Variants in CEACAM4 observed in about 807,000 individuals in gnomAD.
The protein encoded by CEACAM4 is CEA cell adhesion molecule 4, also known as cell adhesion molecule CEACAM4.
CEACAM4 carries 30 observed loss-of-function variants against 28.7 expected under a neutral mutation model. The observed-to-expected ratio is 1.05, with a 90% CI of 0.78 to 1.42. The LOEUF (loss-of-function observed/expected upper bound fraction) is 1.42. CEACAM4 is among the 40% of genes most tolerant of loss of function. The pLI, the probability that CEACAM4 is intolerant of heterozygous loss-of-function variation, is 0.00. For missense variants in CEACAM4, 330 were observed against 308.2 expected (o/e 1.07, Z -0.53); for synonymous variants, 143 against 126.5 (o/e 1.13, Z -0.87).
At chr19:41,617,721 G>A (rs1441418232), downstream of CEACAM4, among the ~76,000 whole-genome samples, 2 of 152,152 alleles carry the variant, frequency 1.3e-5, no homozygotes, top group African/African-American at 4.8e-5. Flanking sequence ...CAAGGTTGCA[G>A]GAGGCCTCTA....
chr19:41,620,629 T>C lies in CEACAM4; in HGVS notation c.543-2A>G. On this transcript the variant is annotated splice_acceptor_variant, in intron 3 of 6. Transcript: ENST00000221954. LOFTEE classifies it high-confidence loss of function. Reference sequence around the variant, plus strand: ...CTGAGGTCACGCTGGATGCTGGCCCTAGGAAAGGTCAGGATTATTCATGAG... The same window carrying C: ...CTGAGGTCACGCTGGATGCTGGCCCCAGGAAAGGTCAGGATTATTCATGAG... The C allele has an allele frequency of 6.2e-7, 1 of 1,612,072 alleles. No individual in the cohort carries two copies. The highest frequency in any genetic ancestry group is 8.5e-7 in the Non-Finnish European group (1 of 1,178,844).
chr19:41,616,334 G>A (rs572297067), downstream of CEACAM4, among the ~76,000 whole-genome samples: 45 of 152,144 alleles, frequency 3.0e-4, no homozygotes, highest in East Asian at 7.7e-4. Context: ...TCTCGGCCGC[G>A]GTGTGGATTC....
At chr19:41,614,243 G>A (rs1555798568), downstream of CEACAM4, among the ~76,000 whole-genome samples, 1 of 152,190 alleles carries the variant, frequency 6.6e-6, no homozygotes, top group Admixed American at 6.5e-5. Flanking sequence ...ACCATGTGGA[G>A]TACTGTTCCT....
At chr19:41,614,365 G>A (rs1439246501), downstream of CEACAM4, among the ~76,000 whole-genome samples, 3 of 152,212 alleles carry the variant, frequency 2.0e-5, no homozygotes, top group African/African-American at 7.2e-5. Flanking sequence ...AGAGCTCACA[G>A]CACAGGGAGG....
At position 41,625,667 on chromosome 19, in the gene CEACAM4, A is replaced by G. The variant is rs2071595024; in HGVS notation, c.358T>C (p.Tyr120His). 6.2e-7 allele frequency: 1 copy of G among 1,612,106 alleles called. No individual in the cohort carries two copies. The highest frequency in any genetic ancestry group is 8.5e-7 in the Non-Finnish European group (1 of 1,178,790). The change falls in exon 2 of 7, where the codon TAC (tyrosine) becomes CAC (histidine). Residue 120 changes from tyrosine to histidine, a missense_variant. Physicochemically the swap from Tyr to His is moderately conservative, Grantham distance 83 (BLOSUM62 2). Transcript: ENST00000221954. ...CTGGCATTTATGGTTCGTAGGGTGT[A>G]GGATCCTGCGTCCTCCAGGGTGATG... is the stretch of plus-strand genomic sequence containing the variant. ...QNITLEDAGS[Y>H]TLRTINASYD...
chr19:41,621,889 G>A, intron 2 of CEACAM4, 121 bp from the exon 3 acceptor site: 1 of 681,580 alleles, frequency 1.5e-6, no homozygotes, highest in South Asian at 1.7e-5. Flanking sequence ...CCTGAGTGTG[G>A]TCTGTTGGGC....
chr19:41,626,912 G>T lies in CEACAM4; in HGVS notation c.52C>A (p.Leu18Ile). Residue 18 changes from leucine (L) to isoleucine (I), a missense_variant, in exon 1 of 7, where the codon CTC (leucine) becomes ATC (isoleucine). Coordinates refer to ENST00000221954, the MANE Select transcript of CEACAM4 (RefSeq NM_001817.4). ...PRGGHRPWQGLLITASLLTFW... is the reference protein window; with the variant it reads ...PRGGHRPWQGILITASLLTFW... ...GTCCTCCCCTCACCTGTGATCAGGA[G>T]CCCCTGCCAGGGCCTGTGCCCTCCA... The T allele has an allele frequency of 6.2e-7, 1 of 1,610,252 alleles. No individual in the cohort carries two copies. The highest frequency in any genetic ancestry group is 8.5e-7 in the Non-Finnish European group (1 of 1,177,918).
downstream of CEACAM4, among the ~76,000 whole-genome samples, chr19:41,618,156 C>A (rs2071034129): frequency 1.3e-5 from 2 of 152,104 alleles, no homozygotes; most frequent in African/African-American, 4.8e-5. Context: ...GAACTGCTGT[C>A]CCAGGTGTGT....
Position 41,619,118 on chromosome 19 carries a change from A to T in CEACAM4, c.*212T>A, listed in dbSNP as rs1029387531. The T allele has an allele frequency of 1.8e-6, 1 of 565,174 alleles. No individual in the cohort carries two copies. The highest frequency in any genetic ancestry group is 3.1e-6 in the Non-Finnish European group (1 of 319,544). 35.0% of individuals were successfully genotyped at this position (565,174 alleles called of 1,614,324 possible). On this transcript the variant is annotated 3_prime_UTR_variant, in exon 7 of 7. Transcript: ENST00000221954. ...AGCCCCCGCTTCCTGTGGTGATGAGAGGCCTTTGTCCCGGCCCACCCAGAG... is the reference window on the plus strand; with the variant it reads ...AGCCCCCGCTTCCTGTGGTGATGAGTGGCCTTTGTCCCGGCCCACCCAGAG...
chr19:41,624,878 C>T (rs529944586), intron 2 of CEACAM4, among the ~76,000 whole-genome samples: 1 of 152,318 alleles, frequency 6.6e-6, no homozygotes, highest in Non-Finnish European at 1.5e-5. Context: ...CTGTTATTTG[C>T]CTCCATGGGA....
chr19:41,619,364 C>T lies in CEACAM4; in HGVS notation c.701G>A (p.Cys234Tyr). The T allele has an allele frequency of 6.2e-7, 1 of 1,614,074 alleles. No homozygotes were observed. The highest frequency in any genetic ancestry group is 8.5e-7 in the Non-Finnish European group (1 of 1,179,944). The change falls in exon 7 of 7, where the codon TGC (cysteine) becomes TAC (tyrosine). Residue 234 changes from cysteine to tyrosine, a missense_variant. Coordinates refer to ENST00000221954, the MANE Select transcript of CEACAM4 (RefSeq NM_001817.4). ...CACATCTGCTTTGTGGTCGATCTGG[C>T]AGTAAATGTTTGCATCAGAGTATAG... ...ELLYSDANIY[C>Y]QIDHKADVVS
At chr19:41,618,328 G>A (rs2071041529), downstream of CEACAM4, among the ~76,000 whole-genome samples, 1 of 152,184 alleles carries the variant, frequency 6.6e-6, no homozygotes, top group South Asian at 2.1e-4. Flanking sequence ...ATCCATGCCA[G>A]GGGGTAAAGT....
Position 41,627,041 on chromosome 19 carries a change from C to CAGCAGCCCCGACAGCCGACA in CEACAM4, c.-79_-78insTGTCGGCTGTCGGGGCTGCT. 7.6e-7 allele frequency: 1 copy of CAGCAGCCCCGACAGCCGACA among 1,317,300 alleles called. No individual in the cohort carries two copies. The highest frequency in any genetic ancestry group is 1.0e-6 in the Non-Finnish European group (1 of 960,010). 81.6% of individuals were successfully genotyped at this position (1,317,300 alleles called of 1,614,324 possible). ...CTCTTGTCAGAGCTGCTGTGACTGTCGGCTGTCGGGGCTGCTGACCTTCCT... is the reference window on the plus strand; with the variant it reads ...CTCTTGTCAGAGCTGCTGTGACTGTCAGCAGCCCCGACAGCCGACAGGCTGTCGGGGCTGCTGACCTTCCT... On this transcript the variant is annotated 5_prime_UTR_variant, in exon 1 of 7. Coordinates refer to ENST00000221954, the MANE Select transcript of CEACAM4 (RefSeq NM_001817.4).
At chr19:41,620,369 A>G (rs1158939096) in intron 4 of CEACAM4, 127 bp from the exon 5 acceptor site, 1 of 980,246 alleles carries the variant, frequency 1.0e-6, no homozygotes, top group Non-Finnish European at 1.5e-6. Context: ...GGGAGACCTG[A>G]GCAGCTGAGG....
chr19:41,617,427 A>G (rs1384570573), downstream of CEACAM4, among the ~76,000 whole-genome samples: 1 of 152,124 alleles, frequency 6.6e-6, no homozygotes, highest in Non-Finnish European at 1.5e-5. Flanking sequence ...CCTTGAGAGG[A>G]GTGATGGACA....
At chr19:41,621,856 G>A in intron 2 of CEACAM4, 88 bp from the exon 3 acceptor site, 1 of 765,092 alleles carries the variant, frequency 1.3e-6, no homozygotes, top group Non-Finnish European at 2.3e-6. Context: ...GGCATAGTCA[G>A]GGAGGAAGGA....
chr19:41,619,562 T>G (rs2071125430), intron 6 of CEACAM4, 108 bp downstream of exon 6: 2 of 1,548,326 alleles, frequency 1.3e-6, no homozygotes, highest in Non-Finnish European at 1.7e-6. Flanking sequence ...CCACCTGTTC[T>G]CATTTTCACT....
intron 3 of CEACAM4, among the ~76,000 whole-genome samples, chr19:41,621,450 G>C (rs902311752): frequency 1.3e-5 from 2 of 152,118 alleles, no homozygotes; most frequent in Non-Finnish European, 2.9e-5. Flanking sequence ...GCACTCAGGG[G>C]TGCAACCTTA....
Position 41,625,962 on chromosome 19 carries a change from T to C in CEACAM4, c.65-2A>G. On this transcript the variant is annotated splice_acceptor_variant, in intron 1 of 6. Transcript: ENST00000221954. LOFTEE classifies it high-confidence loss of function. ...GGTGCCAGAAGGTTAAAAGTGAGGC[T>C]AGGAGGTGAAGACAGCATCAGTCAA... 7 of 1,604,668 alleles carry C rather than the reference T, an allele frequency of 4.4e-6. No homozygotes were observed. Among genetic ancestry groups the C allele is most frequent in the Non-Finnish European group, 6.0e-6 (7 of 1,174,846 alleles).
Sources: allele counts gnomAD v4.1 joint callset (sites outside exome capture counted in the v4.1 genomes callset), GRCh38; gene constraint gnomAD v4.1.1; transcripts MANE v1.5; gene names NCBI Gene and HGNC (gene_info 2026-07-23, HGNC 2026-07-21).